Variants in TRHDE observed in about 807,000 individuals in gnomAD.
TRHDE encodes the protein thyrotropin-releasing hormone-degrading ectoenzyme.
Under a neutral mutation model 125.7 loss-of-function variants are expected in TRHDE, and 72 were observed. The ratio of observed to expected loss-of-function variants is 0.57; its 90% CI spans 0.47 to 0.70. TRHDE has a LOEUF of 0.70. TRHDE is among the 30% of genes least tolerant of loss of function. The probability of loss-of-function intolerance (pLI) is 0.00; values close to 1 mark genes in which losing one functional copy is unlikely to be tolerated. For missense variants in TRHDE, 1,110 were observed against 1,327.1 expected (o/e 0.84, Z 2.54); for synonymous variants, 509 against 509.1 (o/e 1.00, Z 0.00).
At chr12:72,574,739 A>G (rs1230127076) in intron 10 of TRHDE, among the ~76,000 whole-genome samples, 1 of 152,112 alleles carries the variant, frequency 6.6e-6, no homozygotes, top group Non-Finnish European at 1.5e-5. Context: ...TTATTTTACT[A>G]GCATTATTGA....
At chr12:72,243,734 G>C (rs1188638218) in intron 2 of TRHDE, among the ~76,000 whole-genome samples, 1 of 152,126 alleles carries the variant, frequency 6.6e-6, no homozygotes, top group East Asian at 1.9e-4. Context: ...TCATCAGACT[G>C]TTTTAAGACC....
At chr12:72,326,944 A>T (rs1007823829) in intron 2 of TRHDE, among the ~76,000 whole-genome samples, 1 of 152,054 alleles carries the variant, frequency 6.6e-6, no homozygotes, top group Non-Finnish European at 1.5e-5. Context: ...ATGATTATAT[A>T]TCTATATCTA....
rs928088094 is a variant in TRHDE, at chr12:72,667,233, T to C, written c.*4038T>C. The C allele has an allele frequency of 6.6e-6, 1 of 151,924 alleles. No homozygotes were observed. The highest frequency in any genetic ancestry group is 1.5e-5 in the Non-Finnish European group (1 of 67,884). 9.4% of individuals were successfully genotyped at this position (151,924 alleles called of 1,614,324 possible). A position where few individuals can be genotyped will look rare whatever the true frequency, so the allele number is the denominator to read the frequency against. On this transcript the variant is annotated 3_prime_UTR_variant, in exon 19 of 19. Coordinates refer to ENST00000261180, the MANE Select transcript of TRHDE (RefSeq NM_013381.3). ...GGAGAACCTAAAATAGCTTGCTTATTCGCCTGGGTACTCTCATGAAGTAAC... is the reference window on the plus strand; with the variant it reads ...GGAGAACCTAAAATAGCTTGCTTATCCGCCTGGGTACTCTCATGAAGTAAC...
At chr12:72,145,922 G>A (rs1876216298) in intron 2 of TRHDE, among the ~76,000 whole-genome samples, 1 of 152,170 alleles carries the variant, frequency 6.6e-6, no homozygotes, top group Non-Finnish European at 1.5e-5. Context: ...TTTGGGAGTT[G>A]AAGTAGAGAT....
Position 72,542,327 on chromosome 12 carries a change from G to A in TRHDE, c.1759G>A (p.Gly587Ser). Residue 587 changes from glycine to serine, a missense_variant, in exon 7 of 19, where the codon GGC becomes AGC. Gly to Ser is a moderately conservative substitution (Grantham distance 56). Transcript: ENST00000261180. ...AATAAGAATGCTGGCTAATTTTATG[G>A]GCCATTCAGTTTTCCAGAGGGGTTT... ...ALIRMLANFM[G>S]HSVFQRGLQD... 6.2e-7 allele frequency: 1 copy of A among 1,603,904 alleles called. No individual in the cohort carries two copies. The highest frequency in any genetic ancestry group is 8.5e-7 in the Non-Finnish European group (1 of 1,173,734).
Position 72,493,058 on chromosome 12 carries a change from G to A in TRHDE, c.1585-6440G>A, listed in dbSNP as rs530064079. 7.9e-5 allele frequency among the ~76,000 whole-genome samples: 12 copies of A among 151,904 alleles called. No individual in the cohort carries two copies. In the South Asian group the frequency reaches 1.0e-3, roughly 13 times the overall value. On this transcript the variant is annotated intron_variant, in intron 5 of 18. Coordinates refer to ENST00000261180, the MANE Select transcript of TRHDE (RefSeq NM_013381.3). Reference sequence around the variant, plus strand: ...CAATTATGTCTCCTTTGCTTCTAACGGAGGACCTCCTATAGAAGAGGGAGT... The same window carrying A: ...CAATTATGTCTCCTTTGCTTCTAACAGAGGACCTCCTATAGAAGAGGGAGT...
At chr12:72,578,811 T>A (rs547332276) in intron 12 of TRHDE, among the ~76,000 whole-genome samples, 2 of 152,184 alleles carry the variant, frequency 1.3e-5, no homozygotes, top group Non-Finnish European at 2.9e-5. Flanking sequence ...TTTTTAAATA[T>A]ATAAATTTGC....
intron 3 of TRHDE, among the ~76,000 whole-genome samples, chr12:72,402,389 C>T (rs116051120): frequency 0.028 from 4,313 of 152,234 alleles, 206 homozygotes; most frequent in African/African-American, 0.096. Flanking sequence ...GTTGGACAAG[C>T]TTGTTCTATC....
chr12:72,315,217 A>G (rs1254145895), intron 2 of TRHDE, among the ~76,000 whole-genome samples: 2 of 152,186 alleles, frequency 1.3e-5, no homozygotes, highest in African/African-American at 2.4e-5. Flanking sequence ...CCCTTTGCAT[A>G]ATTTAGGTGA....
chr12:72,428,350 T>C (rs1473425241), intron 3 of TRHDE, among the ~76,000 whole-genome samples: 1 of 152,098 alleles, frequency 6.6e-6, no homozygotes, highest in African/African-American at 2.4e-5. Flanking sequence ...AATACTAATA[T>C]GTGTGTGTTT....
At chr12:72,215,508 G>A (rs1320096138) in intron 2 of TRHDE, among the ~76,000 whole-genome samples, 1 of 152,154 alleles carries the variant, frequency 6.6e-6, no homozygotes, top group African/African-American at 2.4e-5. Flanking sequence ...ATGGGTTAGA[G>A]CCAGCTTAGG....
chr12:72,425,625 C>T (rs1592435172), intron 3 of TRHDE, among the ~76,000 whole-genome samples: 1 of 152,012 alleles, frequency 6.6e-6, no homozygotes, highest in Non-Finnish European at 1.5e-5. Context: ...ACATTTTTCT[C>T]TCATCTCAAT....
Position 72,667,705 on chromosome 12 carries a change from A to G in TRHDE, c.*4510A>G, listed in dbSNP as rs889849236. The G allele has an allele frequency of 3.3e-5, 5 of 151,788 alleles. No individual in the cohort carries two copies. The highest frequency in any genetic ancestry group is 1.5e-5 in the Non-Finnish European group (1 of 67,796). 9.4% of individuals were successfully genotyped at this position (151,788 alleles called of 1,614,324 possible). On this transcript the variant is annotated 3_prime_UTR_variant, in exon 19 of 19. Coordinates refer to ENST00000261180, the MANE Select transcript of TRHDE (RefSeq NM_013381.3). ...TCTCAAAACATTTATGATACCTAGT[A>G]TAATTTTTATTGTTTGATTTCCTAG...
At chr12:72,206,177 C>G (rs933773399) in intron 2 of TRHDE, among the ~76,000 whole-genome samples, 1 of 151,274 alleles carries the variant, frequency 6.6e-6, no homozygotes, top group East Asian at 1.9e-4. Context: ...ACGTCCGCCT[C>G]CTGGGTTCAA....
At chr12:72,537,342 CAAGG>C (rs1868915516) in intron 6 of TRHDE, among the ~76,000 whole-genome samples, 1 of 151,954 alleles carries the variant, frequency 6.6e-6, no homozygotes, top group South Asian at 2.1e-4. Context: ...CCCCACATGT[CAAGG>C]AAGGGAACTG....
intron 12 of TRHDE, among the ~76,000 whole-genome samples, chr12:72,617,133 A>T (rs1445886631): frequency 6.6e-6 from 1 of 152,106 alleles, no homozygotes; most frequent in African/African-American, 2.4e-5. Context: ...TATAAAATGG[A>T]ATTTGCACAG....
chr12:72,492,962 G>A (rs979308414), intron 5 of TRHDE, among the ~76,000 whole-genome samples: 2 of 151,738 alleles, frequency 1.3e-5, no homozygotes, highest in African/African-American at 4.8e-5. Flanking sequence ...CCATCACATG[G>A]CATTAATGGG....
intron 5 of TRHDE, among the ~76,000 whole-genome samples, chr12:72,481,042 C>G (rs1333752590): frequency 6.6e-6 from 1 of 151,812 alleles, no homozygotes; most frequent in Non-Finnish European, 1.5e-5. Context: ...CCTTGCAAAG[C>G]CTCTAGCATG....
chr12:72,641,411 A>C (rs1176934304), intron 15 of TRHDE, among the ~76,000 whole-genome samples: 2 of 152,220 alleles, frequency 1.3e-5, no homozygotes, highest in Non-Finnish European at 2.9e-5. Context: ...GAAAAGAAAG[A>C]GTAGTTACCT....
Sources: allele counts gnomAD v4.1 joint callset (sites outside exome capture counted in the v4.1 genomes callset), GRCh38; gene constraint gnomAD v4.1.1; transcripts MANE v1.5; gene names NCBI Gene and HGNC (gene_info 2026-07-23, HGNC 2026-07-21).